The following RBPMS2 variants were observed in gnomAD, a reference collection of about 807,000 sequenced individuals.
RBPMS2 encodes the protein RNA binding protein, mRNA processing factor 2.
In RBPMS2, 14 loss-of-function variants were observed where a neutral mutation model predicts 25.7. The observed-to-expected ratio is 0.55, with a 90% CI of 0.36 to 0.85. The LOEUF (loss-of-function observed/expected upper bound fraction) is 0.85, where lower values mean the gene tolerates loss of function less well. Among genes scored for constraint, RBPMS2 ranks in the 40% least tolerant of loss-of-function variants. The pLI, the probability that RBPMS2 is intolerant of heterozygous loss-of-function variation, is 0.01. For missense variants in RBPMS2, 252 were observed against 283.4 expected (o/e 0.89, Z 0.80); for synonymous variants, 127 against 115.6 (o/e 1.10, Z -0.63).
At chr15:64,766,398 C>G (rs562397018) in intron 1 of RBPMS2, among the ~76,000 whole-genome samples, 1 of 152,302 alleles carries the variant, frequency 6.6e-6, no homozygotes, top group African/African-American at 2.4e-5. Flanking sequence ...AGTAACCGTA[C>G]TCTCTCCATC....
In RBPMS2 at chr15:64,749,167, A is replaced by C; in HGVS notation, c.268-17T>G. On this transcript the variant is annotated splice_polypyrimidine_tract_variant and intron_variant, in intron 4 of 7. Transcript: ENST00000300069. ...GCGAATACCCTACATGGGTAGAGAA[A>C]AGAAGAGAAAGGCTTACTCCGGGGG... The C allele has an allele frequency of 6.2e-7, 1 of 1,613,792 alleles. No homozygotes were observed. Among genetic ancestry groups the C allele is most frequent in the Non-Finnish European group, 8.5e-7 (1 of 1,179,712 alleles).
At chr15:64,743,179 A>G (rs2083579967) in intron 6 of RBPMS2, among the ~76,000 whole-genome samples, 1 of 152,228 alleles carries the variant, frequency 6.6e-6, no homozygotes. Context: ...AGGGCCGGAC[A>G]AGGGGAGAAC....
At position 64,770,006 on chromosome 15, in the gene RBPMS2, C is replaced by T. The variant is rs541232264; in HGVS notation, c.87+5227G>A. Among the ~76,000 whole-genome samples the T allele has an allele frequency of 1.9e-4, 29 of 152,050 alleles. No homozygotes were observed. The East Asian group carries it at 4.9e-3, about 25-fold the overall frequency. On this transcript the variant is annotated intron_variant, in intron 1 of 7. Coordinates refer to ENST00000300069, the MANE Select transcript of RBPMS2 (RefSeq NM_194272.3). Reference sequence around the variant, plus strand: ...CCAGCCTGACCAACACAGTGAAACCCCGTCTCTGCTAAAAATATAAAAATT... The same window carrying T: ...CCAGCCTGACCAACACAGTGAAACCTCGTCTCTGCTAAAAATATAAAAATT...
rs78331394 is a variant in RBPMS2 at position 64,758,148 on chromosome 15, T to C, written c.88-6510A>G. ...AAAACGTTTTAAAGCATTTAAAGAGTGCACAGGGGTGGTTCTCACAATCTC... is the reference window on the plus strand; with the variant it reads ...AAAACGTTTTAAAGCATTTAAAGAGCGCACAGGGGTGGTTCTCACAATCTC... On this transcript the variant is annotated intron_variant, in intron 1 of 7. Coordinates refer to ENST00000300069, the MANE Select transcript of RBPMS2 (RefSeq NM_194272.3). Among the ~76,000 whole-genome samples the C allele has an allele frequency of 5.0e-3, 754 of 152,088 alleles. 3 individuals carry two copies. Among genetic ancestry groups the C allele is most frequent in the Middle Eastern group, 0.017 (5 of 294 alleles).
chr15:64,750,990 C>T (rs1288013269), intron 2 of RBPMS2, among the ~76,000 whole-genome samples: 2 of 148,152 alleles, frequency 1.3e-5, no homozygotes, highest in South Asian at 2.2e-4. Context: ...GTGAGCCGCA[C>T]GCCACTGCAC....
At chr15:64,751,378 G>C (rs1049672418) in intron 2 of RBPMS2, among the ~76,000 whole-genome samples, 183 bp downstream of exon 2, 1 of 151,912 alleles carries the variant, frequency 6.6e-6, no homozygotes, top group Non-Finnish European at 1.5e-5. Flanking sequence ...TAACTGGCGA[G>C]GAAACAGAGG....
chr15:64,750,665 CCTTTT>C (rs1457060495), intron 2 of RBPMS2, among the ~76,000 whole-genome samples: 3 of 152,232 alleles, frequency 2.0e-5, no homozygotes, highest in Non-Finnish European at 2.9e-5. Flanking sequence ...ACAGACCTTA[CCTTTT>C]AAGTTTTCTC....
chr15:64,767,244 C>A (rs971636172), intron 1 of RBPMS2, among the ~76,000 whole-genome samples: 1 of 152,086 alleles, frequency 6.6e-6, no homozygotes, highest in Non-Finnish European at 1.5e-5. Context: ...AGACTACAGG[C>A]GTGTGCCAAC....
intron 1 of RBPMS2, among the ~76,000 whole-genome samples, chr15:64,774,912 G>A (rs1319204263): frequency 2.6e-5 from 4 of 151,556 alleles, no homozygotes; most frequent in South Asian, 4.1e-4. Context: ...GGGGTGGGGA[G>A]CAAGGGGCGC....
chr15:64,748,463 T>G lies in RBPMS2; in HGVS notation c.523A>C (p.Thr175Pro), dbSNP rs1243447249. 1 of 1,613,972 alleles carries G rather than the reference T, an allele frequency of 6.2e-7. No homozygotes were observed. The highest frequency in any genetic ancestry group is 8.5e-7 in the Non-Finnish European group (1 of 1,179,964). The change falls in exon 6 of 8, where the codon ACC (threonine) becomes CCC (proline). Residue 175 changes from threonine to proline, a missense_variant. Thr to Pro is a conservative substitution (Grantham distance 38, BLOSUM62 -1). Coordinates refer to ENST00000300069, the MANE Select transcript of RBPMS2 (RefSeq NM_194272.3). ...GCAGCGGCAGTGGCAGTTGGGTAGG[T>G]GAACGCAGCATGGGAGATGGCTGGG... ...LTPAISHAAF[T>P]YPTATAAAAA...
chr15:64,745,522 G>GA (rs1409818052), intron 6 of RBPMS2, among the ~76,000 whole-genome samples: 1 of 152,134 alleles, frequency 6.6e-6, no homozygotes, highest in African/African-American at 2.4e-5. Flanking sequence ...TTAAGGGGGA[G>GA]AAAAAAGCCA....
chr15:64,747,292 A>T (rs1479218601), intron 6 of RBPMS2, among the ~76,000 whole-genome samples: 1 of 152,160 alleles, frequency 6.6e-6, no homozygotes, highest in Non-Finnish European at 1.5e-5. Flanking sequence ...AGTCCCTGGA[A>T]GAACCTGAAA....
chr15:64,768,171 G>A (rs918353801), intron 1 of RBPMS2, among the ~76,000 whole-genome samples: 4 of 152,154 alleles, frequency 2.6e-5, no homozygotes, highest in African/African-American at 4.8e-5. Context: ...AAGTAGTCAC[G>A]CCCAGGTACA....
At chr15:64,749,643 C>T (rs1386185643) in intron 3 of RBPMS2, 150 bp from the exon 4 acceptor site, 1 of 635,840 alleles carries the variant, frequency 1.6e-6, no homozygotes, top group African/African-American at 1.9e-5. Flanking sequence ...CCCCAAAACT[C>T]CAGCCCACAT....
chr15:64,769,176 A>G (rs1011040269), intron 1 of RBPMS2, among the ~76,000 whole-genome samples: 1 of 150,706 alleles, frequency 6.6e-6, no homozygotes, highest in Non-Finnish European at 1.5e-5. Context: ...TTAAAAAAGA[A>G]TTTAGGTCAG....
rs575548719 is a variant in RBPMS2 at position 64,751,571 on chromosome 15, C to G, written c.155G>C (p.Arg52Pro). ...IKPRELYLLF[R>P]PFKGYEGSLI... is the part of the protein sequence containing the mutation. ...TGGGTCCTGACTCACCTTGAACGGC[C>G]GGAAGAGCAAGTAGAGTTCTCTGGG... The change falls in exon 2 of 8, where the codon CGG becomes CCG. Residue 52 changes from arginine (R) to proline (P), a missense_variant. Physicochemically the swap from Arg to Pro is moderately radical, Grantham distance 103. Coordinates refer to ENST00000300069, the MANE Select transcript of RBPMS2 (RefSeq NM_194272.3). 1 of 1,613,816 alleles carries G rather than the reference C, an allele frequency of 6.2e-7. No homozygotes were observed. Among genetic ancestry groups the G allele is most frequent in the Non-Finnish European group, 8.5e-7 (1 of 1,179,874 alleles).
At chr15:64,762,933 G>C (rs998050703) in intron 1 of RBPMS2, among the ~76,000 whole-genome samples, 14 of 152,244 alleles carry the variant, frequency 9.2e-5, no homozygotes, top group African/African-American at 3.1e-4. Context: ...AGCCAGCTCT[G>C]GGCCCTAGAC....
chr15:64,748,692 G>A, intron 5 of RBPMS2, 125 bp from the exon 6 acceptor site: 1 of 1,181,046 alleles, frequency 8.5e-7, no homozygotes, highest in Non-Finnish European at 1.2e-6. Context: ...CCCAACCACA[G>A]AGGACCCCGA....
At chr15:64,757,752 G>A (rs1015282205) in intron 1 of RBPMS2, among the ~76,000 whole-genome samples, 1 of 152,166 alleles carries the variant, frequency 6.6e-6, no homozygotes, top group African/African-American at 2.4e-5. Flanking sequence ...CAGGGTAACA[G>A]GGGAAACATT....
Sources: gnomAD v4.1 joint callset for allele counts (sites outside exome capture counted in the v4.1 genomes callset) on GRCh38, gnomAD v4.1.1 for gene constraint, MANE v1.5 for transcripts, NCBI Gene and HGNC (gene_info 2026-07-23, HGNC 2026-07-21) for gene names.